The following ICA1L variants were observed in gnomAD, a reference collection of about 807,000 sequenced individuals.
The protein encoded by ICA1L is islet cell autoantigen 1 like.
ICA1L carries 50 observed loss-of-function variants against 61.3 expected under a neutral mutation model. That is an observed-to-expected ratio of 0.82 (90% confidence interval 0.65 to 1.03). The LOEUF is 1.03. ICA1L is among the 50% of genes least tolerant of loss of function. ICA1L has a pLI of 0.00. For missense variants in ICA1L, 508 were observed against 556.7 expected, an observed-to-expected ratio of 0.91 and a Z score of 0.88; for synonymous variants, 161 against 191.3, an observed-to-expected ratio of 0.84 and a Z score of 1.31.
chr2:202,776,552 A>G lies in ICA1L; in HGVS notation c.*2981T>C, dbSNP rs1467768532. ...CGTTTCTTCAGTGTGGTGGTTTTTT[A>G]TATTAGCAGTATTGGTTTAATAGAG... On this transcript the variant is annotated 3_prime_UTR_variant, in exon 13 of 13. Transcript: ENST00000358299. The G allele has an allele frequency of 6.6e-6, 1 of 152,144 alleles. No individual in the cohort carries two copies. The highest frequency in any genetic ancestry group is 2.4e-5 in the African/African-American group (1 of 41,430). The allele number at this position is 152,144 out of a possible 1,614,324, so 9.4% of individuals were successfully genotyped here. A position where few individuals can be genotyped will look rare whatever the true frequency, so the allele number is the denominator to read the frequency against.
At position 202,849,509 on chromosome 2, in the gene ICA1L, G is replaced by A. The variant is rs895132556; in HGVS notation, c.-7-20493C>T. ...GTTTTCCCCTGACAGTGCTAAGGAGGCCAGGCAGTTTAGACTGGGCAGAAC... is the reference window on the plus strand; with the variant it reads ...GTTTTCCCCTGACAGTGCTAAGGAGACCAGGCAGTTTAGACTGGGCAGAAC... On this transcript the variant is annotated intron_variant, in intron 1 of 12. Transcript: ENST00000358299. The surrounding 1 kb of genome is among the most constrained non-coding windows in gnomAD (Gnocchi z 4.5). Among the ~76,000 whole-genome samples the A allele has an allele frequency of 6.6e-6, 1 of 152,076 alleles. No individual in the cohort carries two copies. The highest frequency in any genetic ancestry group is 1.5e-5 in the Non-Finnish European group (1 of 68,046).
In ICA1L at chr2:202,775,356, T is replaced by A. The variant is rs1456539736; in HGVS notation, c.*4177A>T. 2 of 152,234 alleles carry A rather than the reference T, an allele frequency of 1.3e-5. No individual in the cohort carries two copies. Among genetic ancestry groups the A allele is most frequent in the African/African-American group, 2.4e-5 (1 of 41,462 alleles). The allele number at this position is 152,234 out of a possible 1,614,324, so 9.4% of individuals were successfully genotyped here. A position where few individuals can be genotyped will look rare whatever the true frequency, so the allele number is the denominator to read the frequency against. Reference sequence around the variant, plus strand: ...TCTTTTTATTCCTGCCTTCAATAAGTCAGGTTACATACTATGGCTTATATT... The same window carrying A: ...TCTTTTTATTCCTGCCTTCAATAAGACAGGTTACATACTATGGCTTATATT... On this transcript the variant is annotated 3_prime_UTR_variant, in exon 13 of 13. Transcript: ENST00000358299.
Position 202,871,765 on chromosome 2 carries a change from A to C in ICA1L, c.-154T>G, listed in dbSNP as rs1320595466. 2 of 152,036 alleles carry C rather than the reference A, an allele frequency of 1.3e-5. No homozygotes were observed. The highest frequency in any genetic ancestry group is 4.8e-5 in the African/African-American group (2 of 41,416). 9.4% of individuals were successfully genotyped at this position (152,036 alleles called of 1,614,324 possible). A position where few individuals can be genotyped will look rare whatever the true frequency, so the allele number is the denominator to read the frequency against. ...CTCCGCACCAGTGCGTGGAGGTGTC[A>C]GGCTCCCGCTGCGGGAGGCGGGAGA... On this transcript the variant is annotated 5_prime_UTR_variant, in exon 1 of 13. Transcript: ENST00000358299.
chr2:202,791,886 T>G (rs1244752430), intron 10 of ICA1L, among the ~76,000 whole-genome samples: 2 of 146,838 alleles, frequency 1.4e-5, no homozygotes, highest in African/African-American at 2.5e-5. Context: ...ACTTAAAATA[T>G]ACCAGGCACG....
Position 202,828,958 on chromosome 2 carries a change from T to C in ICA1L, c.52A>G (p.Arg18Gly), listed in dbSNP as rs1693929352. ...GTTTTCCAGTATTTCTTTTGCATTC[T>C]TCTGACTACTGACTGATTATCTTCT... The part of the protein sequence containing the change: ...RPEDNQSVVR[R>G]MQKKYWKTKQ... The change falls in exon 2 of 13, where the codon AGA becomes GGA. Residue 18 changes from arginine to glycine, a missense_variant. Transcript: ENST00000358299. The C allele has an allele frequency of 1.9e-6, 3 of 1,610,256 alleles. No individual in the cohort carries two copies. Among genetic ancestry groups the C allele is most frequent in the Non-Finnish European group, 8.5e-7 (1 of 1,178,182 alleles).
chr2:202,784,837 A>G (rs1692529770), intron 12 of ICA1L, among the ~76,000 whole-genome samples: 2 of 152,188 alleles, frequency 1.3e-5, no homozygotes, highest in African/African-American at 4.8e-5. Flanking sequence ...ACGGGCATAA[A>G]GTTTCAGATT....
intron 8 of ICA1L, among the ~76,000 whole-genome samples, chr2:202,814,105 A>AT (rs1200933051): frequency 2.0e-5 from 3 of 152,104 alleles, no homozygotes; most frequent in Non-Finnish European, 2.9e-5. Context: ...AAAATGGAAA[A>AT]ATATATATAA....
intron 1 of ICA1L, among the ~76,000 whole-genome samples, chr2:202,863,623 G>A (rs796510149): frequency 5.9e-5 from 9 of 152,164 alleles, no homozygotes; most frequent in African/African-American, 2.2e-4. Flanking sequence ...AGGAGATTGA[G>A]ACCATCCTGG....
chr2:202,831,558 A>C (rs77138093), intron 1 of ICA1L, among the ~76,000 whole-genome samples: 9,547 of 152,228 alleles, frequency 0.063, 389 homozygotes, highest in East Asian at 0.09. Flanking sequence ...TCAGGAGAGA[A>C]TACCTCTCCC....
At chr2:202,833,602 A>G (rs1225311360) in intron 1 of ICA1L, among the ~76,000 whole-genome samples, 11 of 152,132 alleles carry the variant, frequency 7.2e-5, no homozygotes, top group Non-Finnish European at 5.9e-5. Context: ...ATAAAAAATT[A>G]AAAAATAAAA....
chr2:202,841,232 G>T, intron 1 of ICA1L: 1 of 716,616 alleles, frequency 1.4e-6, no homozygotes, highest in Non-Finnish European at 2.6e-6. Flanking sequence ...TACGTTTGTT[G>T]ATCTCATCCT....
intron 12 of ICA1L, 106 bp downstream of exon 12, chr2:202,785,812 T>G: frequency 1.7e-6 from 1 of 599,338 alleles, no homozygotes; most frequent in Non-Finnish European, 2.8e-6. Context: ...TTAAACTTTT[T>G]CAGGACAATG....
intron 2 of ICA1L, among the ~76,000 whole-genome samples, chr2:202,827,491 A>G (rs1192277386): frequency 1.3e-5 from 2 of 152,046 alleles, no homozygotes; most frequent in Non-Finnish European, 2.9e-5. Flanking sequence ...TACTATTTTT[A>G]TTTTTATAAT....
chr2:202,777,199 T>G lies in ICA1L; in HGVS notation c.*2334A>C, dbSNP rs200601385. The G allele has an allele frequency of 6.6e-6, 1 of 151,982 alleles. No individual in the cohort carries two copies. The highest frequency in any genetic ancestry group is 2.4e-5 in the African/African-American group (1 of 41,312). 9.4% of individuals were successfully genotyped at this position (151,982 alleles called of 1,614,324 possible). A position where few individuals can be genotyped will look rare whatever the true frequency, so the allele number is the denominator to read the frequency against. On this transcript the variant is annotated 3_prime_UTR_variant, in exon 13 of 13. Coordinates refer to ENST00000358299, the MANE Select transcript of ICA1L (RefSeq NM_001288622.3). ...TCCTGAGTAGCTGGGATTACAGGCA[T>G]GTACCTCCACACCTGGCTAATTTTT...
At chr2:202,784,635 T>A (rs560929292) in intron 12 of ICA1L, among the ~76,000 whole-genome samples, 22 of 152,276 alleles carry the variant, frequency 1.4e-4, no homozygotes, top group African/African-American at 4.8e-4. Context: ...AGAGTATTAT[T>A]CAGCCTTATA....
At chr2:202,817,139 T>C (rs905930297) in intron 6 of ICA1L, among the ~76,000 whole-genome samples, 1 of 152,182 alleles carries the variant, frequency 6.6e-6, no homozygotes, top group Admixed American at 6.5e-5. Context: ...CCAGGGCAAA[T>C]GGGCCTTAAA....
At chr2:202,840,686 T>C in intron 1 of ICA1L, 1 of 599,210 alleles carries the variant, frequency 1.7e-6, no homozygotes, top group Admixed American at 1.9e-5. Context: ...CTACGCCATG[T>C]CCTGCTTGGC....
At chr2:202,812,835 A>G (rs1378983646) in intron 8 of ICA1L, among the ~76,000 whole-genome samples, 1 of 152,188 alleles carries the variant, frequency 6.6e-6, no homozygotes, top group Non-Finnish European at 1.5e-5. Context: ...TTGGCCATCT[A>G]TTAGTTAACT....
chr2:202,780,573 A>T (rs935060829), intron 12 of ICA1L, among the ~76,000 whole-genome samples: 1 of 152,208 alleles, frequency 6.6e-6, no homozygotes, highest in Non-Finnish European at 1.5e-5. Context: ...GGCAGGGTTG[A>T]GACCCAGAGG....
Sources: gnomAD v4.1 joint callset for allele counts (sites outside exome capture counted in the v4.1 genomes callset) on GRCh38, gnomAD v4.1.1 for gene constraint, Gnocchi (gnomAD v3.1) non-coding constraint, MANE v1.5 for transcripts, NCBI Gene and HGNC (gene_info 2026-07-23, HGNC 2026-07-21) for gene names.